VPS13B: variants seen among roughly 807,000 people sequenced by gnomAD.
The protein encoded by VPS13B is intermembrane lipid transfer protein VPS13B.
VPS13B carries 285 observed loss-of-function variants against 426.4 expected under a neutral mutation model. That is an observed-to-expected ratio of 0.67 (90% CI 0.61 to 0.74). VPS13B has a LOEUF of 0.74. VPS13B is among the 30% of genes least tolerant of loss of function. VPS13B has a pLI of 0.00. For missense variants in VPS13B, 4,537 were observed against 4,782.6 expected, an observed-to-expected ratio of 0.95 and a Z score of 1.51; for synonymous variants, 1,676 against 1,676.4, an observed-to-expected ratio of 1.00 and a Z score of 0.01.
chr8:99,732,090 G>A (rs1833629314), intron 39 of VPS13B, among the ~76,000 whole-genome samples: 1 of 152,058 alleles, frequency 6.6e-6, no homozygotes, highest in Non-Finnish European at 1.5e-5. Flanking sequence ...AGAATCACAA[G>A]AACATAAGAG....
intron 19 of VPS13B, among the ~76,000 whole-genome samples, chr8:99,364,684 C>T (rs1812753021): frequency 2.0e-5 from 3 of 152,146 alleles, no homozygotes; most frequent in South Asian, 2.1e-4. Flanking sequence ...CCCCCTGCCT[C>T]GGCCTCCCAG....
chr8:99,406,711 G>T (rs2133347997), intron 21 of VPS13B, among the ~76,000 whole-genome samples: 1 of 152,306 alleles, frequency 6.6e-6, no homozygotes, highest in South Asian at 2.1e-4. Flanking sequence ...TTGGGGAATT[G>T]CAGGTAATGT....
rs564856193 is a variant in VPS13B at position 99,083,729 on chromosome 8, C to T, written c.292-12583C>T. On this transcript the variant is annotated intron_variant, in intron 3 of 61. Transcript: ENST00000357162. ...ATTGAGATAATCATATGGTTTTTGT[C>T]GTTGGTTCTGTTTACGTGATGGATT... is the stretch of plus-strand genomic sequence containing the variant. 1.6e-4 allele frequency among the ~76,000 whole-genome samples: 20 copies of T among 128,132 alleles called. No individual in the cohort carries two copies. In the East Asian group the frequency reaches 4.1e-3, roughly 26 times the overall value. 84.1% of individuals were successfully genotyped at this position (128,132 alleles called of 152,430 possible).
At chr8:99,821,515 T>C in intron 50 of VPS13B, 33 bp downstream of exon 50, 1 of 1,612,046 alleles carries the variant, frequency 6.2e-7, no homozygotes, top group Non-Finnish European at 8.5e-7. Context: ...TGGGAGGAAA[T>C]AGCATGCCAT....
intron 34 of VPS13B, among the ~76,000 whole-genome samples, chr8:99,647,322 G>A (rs1829618759): frequency 6.6e-6 from 1 of 152,106 alleles, no homozygotes; most frequent in South Asian, 2.1e-4. Flanking sequence ...AGCACATTGG[G>A]AGGCCGAGGT....
In VPS13B at chr8:99,690,958, C is replaced by T. The variant is rs184949942; in HGVS notation, c.6047-8567C>T. 1.1e-4 allele frequency among the ~76,000 whole-genome samples: 17 copies of T among 152,190 alleles called. No individual in the cohort carries two copies. In the East Asian group the frequency reaches 3.1e-3, roughly 28 times the overall value. ...TCATCACCAAAAACTGGAAACAACC[C>T]AAATGTTTATTAACTGATAATGGAT... On this transcript the variant is annotated intron_variant, in intron 35 of 61. Coordinates refer to ENST00000357162, the MANE Select transcript of VPS13B (RefSeq NM_152564.5).
intron 19 of VPS13B, among the ~76,000 whole-genome samples, chr8:99,289,822 G>C (rs1819633731): frequency 4.6e-5 from 7 of 152,186 alleles, no homozygotes; most frequent in Admixed American, 3.9e-4. Flanking sequence ...TTAATCATCA[G>C]TTATCCTAAA....
chr8:99,584,032 A>G (rs1448530645), intron 33 of VPS13B, among the ~76,000 whole-genome samples: 2 of 152,116 alleles, frequency 1.3e-5, no homozygotes, highest in African/African-American at 4.8e-5. Flanking sequence ...AGGCACCTGG[A>G]TAGACCACTT....
rs2133626942 is a variant in VPS13B, at chr8:99,507,905, T to C, written c.4224+702T>C. 6.2e-7 allele frequency: 1 copy of C among 1,614,046 alleles called. No individual in the cohort carries two copies. Among genetic ancestry groups the C allele is most frequent in the Non-Finnish European group, 8.5e-7 (1 of 1,179,948 alleles). The stretch of plus-strand genomic sequence containing the variant: ...CTTTCAGTAATTGCTCTGGCTTCTT[T>C]CCTTCTGTAAGAAATTACTTTAAAT... On this transcript the variant is annotated intron_variant, in intron 28 of 61. Coordinates refer to ENST00000357162, the MANE Select transcript of VPS13B (RefSeq NM_152564.5).
intron 30 of VPS13B, among the ~76,000 whole-genome samples, chr8:99,547,361 T>G (rs1259883781): frequency 6.6e-6 from 1 of 152,090 alleles, no homozygotes; most frequent in Non-Finnish European, 1.5e-5. Flanking sequence ...TTACTGTCAC[T>G]TATGGAGACT....
intron 19 of VPS13B, among the ~76,000 whole-genome samples, chr8:99,316,801 T>C (rs1809683655): frequency 6.6e-6 from 1 of 152,228 alleles, no homozygotes; most frequent in East Asian, 1.9e-4. Context: ...CAGATGCCTC[T>C]AGTCAGCCAT....
intron 17 of VPS13B, among the ~76,000 whole-genome samples, chr8:99,235,219 A>G (rs1039696004): frequency 6.6e-6 from 1 of 152,226 alleles, no homozygotes; most frequent in African/African-American, 2.4e-5. Flanking sequence ...GTTACTACAA[A>G]TATGTAGAGA....
intron 19 of VPS13B, among the ~76,000 whole-genome samples, chr8:99,356,139 G>A (rs912722603): frequency 5.3e-5 from 8 of 152,128 alleles, no homozygotes; most frequent in Non-Finnish European, 1.0e-4. Flanking sequence ...TTTTCAGGTC[G>A]AAGACTGGAA....
At chr8:99,423,352 G>T (rs1816486259) in intron 21 of VPS13B, among the ~76,000 whole-genome samples, 2 of 151,782 alleles carry the variant, frequency 1.3e-5, no homozygotes, top group South Asian at 4.2e-4. Context: ...GACCTCCTGA[G>T]CTTAAGCAAT....
At chr8:99,042,062 C>T (rs903412191) in intron 3 of VPS13B, among the ~76,000 whole-genome samples, 2 of 151,760 alleles carry the variant, frequency 1.3e-5, no homozygotes, top group Admixed American at 6.6e-5. Context: ...ATTGCTTGAA[C>T]CCAGGAGGCG....
intron 33 of VPS13B, among the ~76,000 whole-genome samples, chr8:99,583,368 T>TA (rs1221641548): frequency 6.6e-6 from 1 of 152,188 alleles, no homozygotes; most frequent in Non-Finnish European, 1.5e-5. Context: ...TTTACTACAT[T>TA]AAAAAGTATA....
chr8:99,041,132 G>A (rs896884740), intron 3 of VPS13B, among the ~76,000 whole-genome samples: 3 of 152,096 alleles, frequency 2.0e-5, no homozygotes, highest in African/African-American at 7.2e-5. Flanking sequence ...CAGGGTGACC[G>A]AATTGTTGTG....
chr8:99,221,455 G>A (rs979396266), intron 17 of VPS13B, among the ~76,000 whole-genome samples: 1 of 152,024 alleles, frequency 6.6e-6, no homozygotes, highest in Non-Finnish European at 1.5e-5. Flanking sequence ...ATTTGAAGAG[G>A]AAGAAAAATG....
intron 24 of VPS13B, among the ~76,000 whole-genome samples, chr8:99,476,422 TTC>T (rs1479067548): frequency 2.0e-5 from 3 of 146,612 alleles, no homozygotes; most frequent in East Asian, 4.1e-4. Context: ...TTTTTTTTTT[TTC>T]CATATGCAGT....
Sources: allele counts gnomAD v4.1 joint callset (sites outside exome capture counted in the v4.1 genomes callset), GRCh38; gene constraint gnomAD v4.1.1; transcripts MANE v1.5; gene names NCBI Gene and HGNC (gene_info 2026-07-23, HGNC 2026-07-21).